DCP2: variants seen among roughly 807,000 people sequenced by gnomAD.
DCP2 encodes the protein decapping mRNA 2.
In DCP2, 30 loss-of-function variants were observed where a neutral mutation model predicts 56.1. The observed-to-expected ratio is 0.53, with a 90% CI of 0.40 to 0.73. The LOEUF is 0.73. DCP2 is among the 30% of genes least tolerant of loss of function. DCP2 has a pLI of 0.00. For missense variants in DCP2, 533 were observed against 502.7 expected (o/e 1.06, Z -0.58); for synonymous variants, 197 against 163.3 (o/e 1.21, Z -1.57).
Position 112,979,056 on chromosome 5 carries a change from TAC to T in DCP2, c.53+2071_53+2072del, listed in dbSNP as rs556638695. 7.4e-3 allele frequency among the ~76,000 whole-genome samples: 1,131 copies of T among 152,324 alleles called. 7 individuals carry two copies. Among genetic ancestry groups the T allele is most frequent in the Non-Finnish European group, 0.012 (819 of 67,998 alleles). ...GTATGGAACCTATTCACAAAATAAT[TAC>T]GTTGTATTTTGTAAACAATATGTTA... On this transcript the variant is annotated intron_variant, in intron 1 of 10. Coordinates refer to ENST00000389063, the MANE Select transcript of DCP2 (RefSeq NM_152624.6).
At chr5:113,001,057 A>T (rs762033144) in intron 4 of DCP2, 27 bp from the exon 5 acceptor site, 1 of 1,564,782 alleles carries the variant, frequency 6.4e-7, no homozygotes, top group East Asian at 2.3e-5. Context: ...CTAAAATGAA[A>T]ATTTCATCCA....
intron 10 of DCP2, among the ~76,000 whole-genome samples, chr5:113,011,383 C>G (rs574504557): frequency 1.3e-5 from 2 of 152,142 alleles, no homozygotes; most frequent in Non-Finnish European, 2.9e-5. Context: ...TTGTCTGATT[C>G]GGAAAGTAAT....
chr5:113,013,229 A>C, intron 10 of DCP2, 92 bp from the exon 11 acceptor site: 1 of 1,360,632 alleles, frequency 7.3e-7, no homozygotes. Context: ...TATATACTCA[A>C]AACTAATTGT....
At chr5:112,995,018 A>G (rs546065427) in intron 4 of DCP2, among the ~76,000 whole-genome samples, 2 of 152,348 alleles carry the variant, frequency 1.3e-5, no homozygotes, top group African/African-American at 4.8e-5. Flanking sequence ...GGGTGTAACT[A>G]TTAATGAGGG....
chr5:113,013,850 A>G lies in DCP2; in HGVS notation c.*366A>G, dbSNP rs1749778229. On this transcript the variant is annotated 3_prime_UTR_variant, in exon 11 of 11. Transcript: ENST00000389063. ...CCATCTACCTGTTACAGTGATTGCA[A>G]TAATAGTATATTGGAGTTTTTCAAA... 1 of 167,918 alleles carries G rather than the reference A, an allele frequency of 6.0e-6. No individual in the cohort carries two copies. The highest frequency in any genetic ancestry group is 1.3e-5 in the Non-Finnish European group (1 of 78,416). The allele number at this position is 167,918 out of a possible 1,614,324, so 10.4% of individuals were successfully genotyped here.
At position 113,002,773 on chromosome 5, in the gene DCP2, T is replaced by C. The variant is rs116157799; in HGVS notation, c.806+1099T>C. Among the ~76,000 whole-genome samples, 391 of 152,296 alleles carry C rather than the reference T, an allele frequency of 2.6e-3. 2 individuals are homozygous for C. Among genetic ancestry groups the C allele is most frequent in the African/African-American group, 8.5e-3 (352 of 41,578 alleles). On this transcript the variant is annotated intron_variant, in intron 7 of 10. Transcript: ENST00000389063. ...CTTGGGCTCCAGTGATCCTCCTGCC[T>C]CAGCTTCCCAAAGTTTTGAGATTAC...
In DCP2 at chr5:112,992,756, T is replaced by G; in HGVS notation, c.418T>G (p.Cys140Gly). The G allele has an allele frequency of 6.3e-7, 1 of 1,582,714 alleles. No homozygotes were observed. The highest frequency in any genetic ancestry group is 8.5e-7 in the Non-Finnish European group (1 of 1,172,006). Residue 140 changes from cysteine to glycine, a missense_variant, in exon 4 of 11, where the codon TGT becomes GGT. This residue lies in a region of DCP2 where 392 missense variants were observed against 346.6 expected (regional missense o/e 1.13). Transcript: ENST00000389063. The stretch of plus-strand genomic sequence containing the variant: ...AAATAAAGAAGAAGCTCCTCATGAT[T>G]GTGCTGCTAGAGAGGTAAGTTATTC... ...KVNKEEAPHD[C>G]AAREVFEETG... is the part of the protein sequence containing the mutation.
In DCP2 at chr5:112,976,991, C is replaced by A. The variant is rs766619432; in HGVS notation, c.53+5C>A. On this transcript the variant is annotated splice_donor_5th_base_variant and intron_variant, in intron 1 of 10. Coordinates refer to ENST00000389063, the MANE Select transcript of DCP2 (RefSeq NM_152624.6). ...CGTCCTGGACGATCTCTGCAGGTAC[C>A]GCGCTACCCGACCCCCTTTCGCCCC... is the stretch of plus-strand genomic sequence containing the variant. The A allele has an allele frequency of 1.9e-6, 3 of 1,542,500 alleles. No homozygotes were observed. Among genetic ancestry groups the A allele is most frequent in the Non-Finnish European group, 2.6e-6 (3 of 1,135,484 alleles).
At chr5:113,002,670 C>T (rs1220315637) in intron 7 of DCP2, among the ~76,000 whole-genome samples, 1 of 151,988 alleles carries the variant, frequency 6.6e-6, no homozygotes, top group Non-Finnish European at 1.5e-5. Flanking sequence ...CAGGCAGATG[C>T]CACTAAGCCT....
intron 10 of DCP2, among the ~76,000 whole-genome samples, chr5:113,011,033 T>C (rs180788798): frequency 3.3e-5 from 5 of 152,336 alleles, no homozygotes; most frequent in Middle Eastern, 6.8e-3. Flanking sequence ...CTTTTATGAA[T>C]GTTAAGCCTT....
chr5:113,000,958 C>A, intron 4 of DCP2, 126 bp from the exon 5 acceptor site: 1 of 986,202 alleles, frequency 1.0e-6, no homozygotes, highest in Non-Finnish European at 1.5e-6. Flanking sequence ...ACCAGCCTGT[C>A]ATTTCTAGAA....
At position 112,989,428 on chromosome 5, in the gene DCP2, CAAAA is replaced by C. The variant is rs374024550; in HGVS notation, c.206-2683_206-2680del. 3.8e-3 allele frequency among the ~76,000 whole-genome samples: 515 copies of C among 135,104 alleles called. 6 individuals carry two copies. The highest frequency in any genetic ancestry group is 0.012 in the African/African-American group (463 of 37,104). The allele number at this position is 135,104 out of a possible 152,430, so 88.6% of individuals were successfully genotyped here. A position where few individuals can be genotyped will look rare whatever the true frequency, so the allele number is the denominator to read the frequency against. ...ATGTAATAAATGTTAACTATTACTC[CAAAA>C]AAAAAAAAAGATTTGGGAGCTAAAT... On this transcript the variant is annotated intron_variant, in intron 2 of 10. Coordinates refer to ENST00000389063, the MANE Select transcript of DCP2 (RefSeq NM_152624.6).
rs1230104912 is a variant in DCP2, at chr5:113,017,582, G to T, written c.*4098G>T. 1 of 152,186 alleles carries T rather than the reference G, an allele frequency of 6.6e-6. No homozygotes were observed. The highest frequency in any genetic ancestry group is 1.5e-5 in the Non-Finnish European group (1 of 68,042). 9.4% of individuals were successfully genotyped at this position (152,186 alleles called of 1,614,324 possible). On this transcript the variant is annotated 3_prime_UTR_variant, in exon 11 of 11. Coordinates refer to ENST00000389063, the MANE Select transcript of DCP2 (RefSeq NM_152624.6). The stretch of plus-strand genomic sequence containing the variant: ...CAGAAAGATGGCAGACTGCAAATGG[G>T]CAGTACAGGCTTTGCCCCATGCTTT...
At chr5:113,007,020 C>G (rs1346326624) in intron 8 of DCP2, among the ~76,000 whole-genome samples, 1 of 151,916 alleles carries the variant, frequency 6.6e-6, no homozygotes, top group Non-Finnish European at 1.5e-5. Context: ...TGCTTGTAAT[C>G]CTAGCTGCTT....
At chr5:112,997,409 CTTA>C (rs1047099538) in intron 4 of DCP2, among the ~76,000 whole-genome samples, 9 of 152,036 alleles carry the variant, frequency 5.9e-5, no homozygotes, top group African/African-American at 2.2e-4. Flanking sequence ...TATATCGTTC[CTTA>C]TTATTTGGCA....
At chr5:112,984,447 T>C (rs1396442041) in intron 1 of DCP2, 1 of 151,886 alleles carries the variant, frequency 6.6e-6, no homozygotes, top group African/African-American at 2.4e-5. Context: ...CCCAACTATA[T>C]TGATCATTGA....
chr5:112,999,556 G>C (rs1442726004), intron 4 of DCP2, among the ~76,000 whole-genome samples: 2 of 151,592 alleles, frequency 1.3e-5, no homozygotes, highest in African/African-American at 2.4e-5. Context: ...TCTAACTCCT[G>C]ACCTGGTGAT....
intron 1 of DCP2, chr5:112,984,693 A>ATATATATATATATATATATATATAT (rs1267092599): frequency 1.3e-5 from 1 of 75,716 alleles, no homozygotes; most frequent in Admixed American, 1.2e-4. Flanking sequence ...AATTAAAAAA[A>ATATATATATATATATATATATATAT]AAAAAAAAAA....
chr5:112,985,931 C>T lies in DCP2; in HGVS notation c.150C>T (p.Tyr50=), dbSNP rs1748261328. ...CCCATTGGTTTTACTTGGATTTCTA[C>T]ATGCAGAACACACCAGGATTACCTC... ...ELAHWFYLDF[Y]MQNTPGLPQC... is the part of the protein sequence containing the mutation. Residue 50 remains tyrosine (Y), a synonymous_variant, in exon 2 of 11, where the codon TAC becomes TAT. Coordinates refer to ENST00000389063, the MANE Select transcript of DCP2 (RefSeq NM_152624.6). The T allele has an allele frequency of 6.2e-7, 1 of 1,606,254 alleles. No homozygotes were observed. The highest frequency in any genetic ancestry group is 1.7e-5 in the Admixed American group (1 of 59,958).
Sources: allele counts gnomAD v4.1 joint callset (sites outside exome capture counted in the v4.1 genomes callset), GRCh38; gene constraint gnomAD v4.1.1; regional missense constraint gnomAD v4.1.1; transcripts MANE v1.5; gene names NCBI Gene and HGNC (gene_info 2026-07-23, HGNC 2026-07-21).